LOC400499: variants seen among roughly 807,000 people sequenced by gnomAD.
chr16:11,448,222 G>C, the LOC400499 span: 2 of 974,050 alleles, frequency 2.1e-6, no homozygotes, highest in Non-Finnish European at 2.9e-6. Flanking sequence ...CTGAGCCACA[G>C]CCTCCACCCT....
the LOC400499 span, among the ~76,000 whole-genome samples, chr16:11,379,440 C>T: frequency 2.6e-5 from 4 of 152,142 alleles, no homozygotes; most frequent in Non-Finnish European, 4.4e-5. Context: ...GACCTTAGGT[C>T]GATTTTGTCT....
the LOC400499 span, chr16:11,494,574 C>T: frequency 2.5e-6 from 1 of 397,898 alleles, no homozygotes; most frequent in Non-Finnish European, 4.4e-6. Flanking sequence ...GATGTCCTCA[C>T]CTTGTCATCA....
the LOC400499 span, among the ~76,000 whole-genome samples, chr16:11,455,758 A>C: frequency 1.4e-5 from 2 of 144,166 alleles, no homozygotes; most frequent in African/African-American, 2.5e-5. Flanking sequence ...AAAAAAAAAG[A>C]AAAAGAGAAA....
the LOC400499 span, among the ~76,000 whole-genome samples, chr16:11,474,318 A>C: frequency 2.0e-5 from 3 of 152,192 alleles, no homozygotes; most frequent in African/African-American, 4.8e-5. Flanking sequence ...AATTTCATGA[A>C]GTTTTCATGA....
At chr16:11,477,899 G>A in the LOC400499 span, 1 of 399,046 alleles carries the variant, frequency 2.5e-6, no homozygotes, top group Non-Finnish European at 4.4e-6. Context: ...GATGCTGATG[G>A]CAGCCGAGGC....
the LOC400499 span, among the ~76,000 whole-genome samples, chr16:11,456,468 G>C: frequency 6.6e-6 from 1 of 152,204 alleles, no homozygotes; most frequent in African/African-American, 2.4e-5. Context: ...AGGATAACGA[G>C]CAAGGGGGAG....
chr16:11,436,935 G>C, the LOC400499 span, among the ~76,000 whole-genome samples: 2 of 152,048 alleles, frequency 1.3e-5, no homozygotes, highest in Non-Finnish European at 2.9e-5. Flanking sequence ...CCTTAGATGA[G>C]CTGCTGAATA....
At chr16:11,462,667 C>A in the LOC400499 span, among the ~76,000 whole-genome samples, 1 of 152,314 alleles carries the variant, frequency 6.6e-6, no homozygotes, top group South Asian at 2.1e-4. Context: ...AAGTGATCCA[C>A]CCGCCCTGGC....
At chr16:11,373,713 G>A in the LOC400499 span, among the ~76,000 whole-genome samples, 23 of 152,164 alleles carry the variant, frequency 1.5e-4, no homozygotes, top group South Asian at 2.1e-4. Context: ...TCTACCTCCC[G>A]GGTTCAAGTG....
chr16:11,474,915 GA>G, the LOC400499 span, among the ~76,000 whole-genome samples: 1 of 152,150 alleles, frequency 6.6e-6, no homozygotes, highest in Non-Finnish European at 1.5e-5. Context: ...ATGCCAAAAG[GA>G]AAAAATTAAG....
At chr16:11,391,655 C>G in the LOC400499 span, 1 of 1,232,104 alleles carries the variant, frequency 8.1e-7, no homozygotes, top group African/African-American at 1.6e-5. Context: ...CCCTCCCCCT[C>G]CCACACTTAC....
chr16:11,399,785 C>T, the LOC400499 span: 1 of 398,750 alleles, frequency 2.5e-6, no homozygotes, highest in African/African-American at 2.1e-5. Flanking sequence ...TGCAGCGTCG[C>T]AGGTTGTCCT....
the LOC400499 span, chr16:11,390,063 T>C: frequency 3.4e-6 from 4 of 1,189,968 alleles, no homozygotes; most frequent in Middle Eastern, 6.4e-4. Context: ...ACCTGGTATG[T>C]GGCAGGCACG....
the LOC400499 span, among the ~76,000 whole-genome samples, chr16:11,482,670 C>A: frequency 6.6e-6 from 1 of 152,008 alleles, no homozygotes; most frequent in African/African-American, 2.4e-5. Context: ...GCAGGAGGAT[C>A]GCTTGAGGTC....
the LOC400499 span, among the ~76,000 whole-genome samples, chr16:11,519,327 C>T: frequency 2.0e-5 from 3 of 152,150 alleles, no homozygotes; most frequent in Non-Finnish European, 4.4e-5. Flanking sequence ...TTGGATATCC[C>T]ACTGTCACCA....
the LOC400499 span, among the ~76,000 whole-genome samples, chr16:11,500,287 C>G: frequency 5.3e-5 from 8 of 152,126 alleles, no homozygotes; most frequent in African/African-American, 1.9e-4. Context: ...GTGGGTGGAT[C>G]ACTTGAGGTC....
chr16:11,441,363 C>T, the LOC400499 span, among the ~76,000 whole-genome samples: 1 of 152,268 alleles, frequency 6.6e-6, no homozygotes, highest in East Asian at 1.9e-4. Flanking sequence ...TTGTTCATTG[C>T]CATATTCCTA....
At chr16:11,377,780 G>T in the LOC400499 span, among the ~76,000 whole-genome samples, 16 of 152,188 alleles carry the variant, frequency 1.1e-4, no homozygotes, top group Admixed American at 2.0e-4. Flanking sequence ...TGCTTTGTCT[G>T]CCTTTGGTAT....
chr16:11,384,614 T>C, the LOC400499 span, among the ~76,000 whole-genome samples: 1 of 152,182 alleles, frequency 6.6e-6, no homozygotes, highest in Non-Finnish European at 1.5e-5. Flanking sequence ...TTGTGTTCCT[T>C]GGCAGAGGGA....
Sources: gnomAD v4.1 joint callset for allele counts (sites outside exome capture counted in the v4.1 genomes callset) on GRCh38, gnomAD v4.1.1 for gene constraint, MANE v1.5 for transcripts.